The following RASGEF1C variants were observed in gnomAD, a reference collection of about 807,000 sequenced individuals.
The protein encoded by RASGEF1C is ras-GEF domain-containing family member 1C.
In RASGEF1C, 27 loss-of-function variants were observed where a neutral mutation model predicts 58.1. The ratio of observed to expected loss-of-function variants is 0.46; its 90% confidence interval spans 0.34 to 0.64. The LOEUF (loss-of-function observed/expected upper bound fraction) is 0.64. RASGEF1C is among the 30% of genes least tolerant of loss of function. The pLI is 0.01. For synonymous variants in RASGEF1C, 243 were observed against 246.3 expected (o/e 0.99, Z 0.13); for missense variants, 502 against 605.1 (o/e 0.83, Z 1.79).
At chr5:180,112,906 CGTGGATGGACAG>C (rs1582261181) in intron 11 of RASGEF1C, among the ~76,000 whole-genome samples, 1 of 146,688 alleles carries the variant, frequency 6.8e-6, no homozygotes, top group East Asian at 2.1e-4. Context: ...ACGGAGGGAC[CGTGGATGGACAG>C]AGGGATCCGG....
intron 1 of RASGEF1C, among the ~76,000 whole-genome samples, chr5:180,191,422 T>A (rs927074585): frequency 6.6e-6 from 1 of 152,126 alleles, no homozygotes; most frequent in African/African-American, 2.4e-5. Flanking sequence ...AGTGGCGCGA[T>A]CTCAGCTCAC....
chr5:180,140,329 C>T (rs192704223), intron 1 of RASGEF1C, among the ~76,000 whole-genome samples: 3 of 152,328 alleles, frequency 2.0e-5, no homozygotes, highest in East Asian at 1.9e-4. Flanking sequence ...CCTTGTGCCG[C>T]AGCCTTCAGT....
intron 6 of RASGEF1C, among the ~76,000 whole-genome samples, chr5:180,123,288 A>T (rs996253992): frequency 2.0e-5 from 3 of 152,220 alleles, no homozygotes; most frequent in Admixed American, 2.0e-4. Context: ...AGTCACATGG[A>T]AGATTTTAAC....
At chr5:180,117,461 C>G (rs746287275) in intron 10 of RASGEF1C, among the ~76,000 whole-genome samples, 1 of 152,228 alleles carries the variant, frequency 6.6e-6, no homozygotes, top group Non-Finnish European at 1.5e-5. Flanking sequence ...CAGCAGGGAC[C>G]TGATCCCACC....
At chr5:180,129,098 G>C (rs1192309256) in intron 4 of RASGEF1C, among the ~76,000 whole-genome samples, 1 of 152,236 alleles carries the variant, frequency 6.6e-6, no homozygotes, top group Admixed American at 6.5e-5. Context: ...CTGGGAGAGA[G>C]ACAGGAGGTC....
intron 1 of RASGEF1C, among the ~76,000 whole-genome samples, chr5:180,147,726 A>G (rs1421028424): frequency 6.6e-6 from 1 of 152,198 alleles, no homozygotes; most frequent in Non-Finnish European, 1.5e-5. Flanking sequence ...CATATGGTTT[A>G]TCCTGGAGAA....
intron 6 of RASGEF1C, among the ~76,000 whole-genome samples, chr5:180,125,896 T>C (rs114009617): frequency 0.01 from 1,556 of 152,316 alleles, 33 homozygotes; most frequent in African/African-American, 0.036. Flanking sequence ...AAAGGGATCC[T>C]GAGCCTTTTG....
intron 6 of RASGEF1C, among the ~76,000 whole-genome samples, chr5:180,125,188 A>G (rs13360544): frequency 0.24 from 36,237 of 152,168 alleles, 4,444 homozygotes; most frequent in South Asian, 0.32. Context: ...AGAAACATTT[A>G]TTTTAAAAAC....
rs190902323 is a variant in RASGEF1C, at chr5:180,106,125, G to A, written c.1304-3982C>T. On this transcript the variant is annotated intron_variant, in intron 12 of 13. Coordinates refer to ENST00000361132, the MANE Select transcript of RASGEF1C (RefSeq NM_175062.4). Reference sequence around the variant, plus strand: ...TTTCCATTTAGTATGTTCAGACCACGGTTGACTGAGGGTAACTACAGATAA... The same window carrying A: ...TTTCCATTTAGTATGTTCAGACCACAGTTGACTGAGGGTAACTACAGATAA... Among the ~76,000 whole-genome samples, 378 of 152,270 alleles carry A rather than the reference G, an allele frequency of 2.5e-3. 2 individuals carry two copies. The highest frequency in any genetic ancestry group is 4.5e-3 in the Non-Finnish European group (309 of 68,014).
intron 6 of RASGEF1C, among the ~76,000 whole-genome samples, chr5:180,125,289 T>C (rs1244412197): frequency 6.6e-6 from 1 of 152,214 alleles, no homozygotes; most frequent in Non-Finnish European, 1.5e-5. Flanking sequence ...CAACCATTCA[T>C]GATGAGAATT....
rs76715764 is a variant in RASGEF1C, at chr5:180,167,317, C to T, written c.-6-29259G>A. ...TTTCTGTGGAACTATCTTCAATATC[C>T]CTGATCCTTTCCCCTGTCATCTCCA... is the stretch of plus-strand genomic sequence containing the variant. On this transcript the variant is annotated intron_variant, in intron 1 of 13. Transcript: ENST00000361132. Among the ~76,000 whole-genome samples, 1,184 of 152,082 alleles carry T rather than the reference C, an allele frequency of 7.8e-3. 15 individuals are homozygous for T. Among genetic ancestry groups the T allele is most frequent in the African/African-American group, 0.027 (1,118 of 41,458 alleles).
At chr5:180,122,115 A>G (rs879603371) in intron 6 of RASGEF1C, among the ~76,000 whole-genome samples, 2 of 152,226 alleles carry the variant, frequency 1.3e-5, no homozygotes, top group Non-Finnish European at 2.9e-5. Flanking sequence ...GTCTTTAAAC[A>G]TAAGCACACA....
chr5:180,129,069 C>T (rs1049646857), intron 4 of RASGEF1C, among the ~76,000 whole-genome samples: 2 of 152,220 alleles, frequency 1.3e-5, no homozygotes, highest in South Asian at 4.1e-4. Flanking sequence ...CGGCCTTCCC[C>T]GACCAGCTGT....
At position 180,101,978 on chromosome 5, in the gene RASGEF1C, A is replaced by AGCAGTCCCCGGGTCCCACCTCGGC; in HGVS notation, c.1376+69_1376+92dup. The AGCAGTCCCCGGGTCCCACCTCGGC allele has an allele frequency of 4.6e-6, 4 of 869,018 alleles. No individual in the cohort carries two copies. In the South Asian group the frequency reaches 5.8e-5, roughly 13 times the overall value. The allele number at this position is 869,018 out of a possible 1,614,324, so 53.8% of individuals were successfully genotyped here. On this transcript the variant is annotated intron_variant, in intron 13 of 13. Transcript: ENST00000361132. ...GCCCCTCGGCCCTGTCCTGGTCCCAAGCAGTCCCCGGGTCCCACCTCGGCG... is the reference window on the plus strand; with the variant it reads ...GCCCCTCGGCCCTGTCCTGGTCCCAAGCAGTCCCCGGGTCCCACCTCGGCGCAGTCCCCGGGTCCCACCTCGGCG...
chr5:180,125,386 G>T (rs922304870), intron 6 of RASGEF1C, among the ~76,000 whole-genome samples: 1 of 152,268 alleles, frequency 6.6e-6, no homozygotes, highest in East Asian at 1.9e-4. Context: ...ATACTCTATT[G>T]GGACAACACG....
chr5:180,118,989 G>C, intron 8 of RASGEF1C, 123 bp from the exon 9 acceptor site: 1 of 877,466 alleles, frequency 1.1e-6, no homozygotes, highest in Non-Finnish European at 1.9e-6. Flanking sequence ...CTGTCACATG[G>C]TGGGTGGGTG....
At position 180,159,959 on chromosome 5, in the gene RASGEF1C, CA is replaced by C. The variant is rs1766913659; in HGVS notation, c.-6-21902del. On this transcript the variant is annotated intron_variant, in intron 1 of 13. Coordinates refer to ENST00000361132, the MANE Select transcript of RASGEF1C (RefSeq NM_175062.4). The stretch of plus-strand genomic sequence containing the variant: ...TGGGGGCAGGAAGCCAAGCTTCGAG[CA>C]CATTGTTTGGATCCTGAATCTAGCT... Among the ~76,000 whole-genome samples, 11 of 152,332 alleles carry C rather than the reference CA, an allele frequency of 7.2e-5. 1 individual carries two copies. The South Asian group carries it at 2.1e-3, about 29-fold the overall frequency.
At chr5:180,152,247 C>T (rs971257721) in intron 1 of RASGEF1C, among the ~76,000 whole-genome samples, 1 of 152,134 alleles carries the variant, frequency 6.6e-6, no homozygotes, top group African/African-American at 2.4e-5. Flanking sequence ...ATAAATCATG[C>T]TGCTATTAAG....
At chr5:180,169,431 C>G (rs1767068179) in intron 1 of RASGEF1C, among the ~76,000 whole-genome samples, 1 of 152,106 alleles carries the variant, frequency 6.6e-6, no homozygotes, top group Non-Finnish European at 1.5e-5. Flanking sequence ...CTGGAAGCAG[C>G]GTTCACAAAT....
Sources: gnomAD v4.1 joint callset for allele counts (sites outside exome capture counted in the v4.1 genomes callset) on GRCh38, gnomAD v4.1.1 for gene constraint, MANE v1.5 for transcripts, NCBI Gene and HGNC (gene_info 2026-07-23, HGNC 2026-07-21) for gene names.